PCDH9: variants seen among roughly 807,000 people sequenced by gnomAD.
PCDH9 encodes the protein protocadherin-9.
Under a neutral mutation model 70.6 loss-of-function variants are expected in PCDH9, and 24 were observed. The ratio of observed to expected loss-of-function variants is 0.34; its 90% CI spans 0.25 to 0.48. PCDH9 has a LOEUF of 0.48. PCDH9 is among the 20% of genes least tolerant of loss of function. The pLI, the probability that PCDH9 is intolerant of heterozygous loss-of-function variation, is 0.99. For synonymous variants in PCDH9, 562 were observed against 558.5 expected, an observed-to-expected ratio of 1.01 and a Z score of -0.09; for missense variants, 1,281 against 1,503.6, an observed-to-expected ratio of 0.85 and a Z score of 2.45.
At chr13:66,660,009 C>T (rs1236198879) in intron 3 of PCDH9, among the ~76,000 whole-genome samples, 8 of 152,130 alleles carry the variant, frequency 5.3e-5, no homozygotes, top group Non-Finnish European at 1.2e-4. Flanking sequence ...TTAAGTCTTT[C>T]CAATGTTTGG....
intron 4 of PCDH9, among the ~76,000 whole-genome samples, chr13:66,356,455 T>G (rs1956383956): frequency 6.6e-6 from 1 of 152,100 alleles, no homozygotes; most frequent in Non-Finnish European, 1.5e-5. Context: ...ATATACCCTC[T>G]CTGCAGGTTC....
chr13:66,408,912 G>T (rs1275262536), intron 4 of PCDH9, among the ~76,000 whole-genome samples: 2 of 152,022 alleles, frequency 1.3e-5, no homozygotes, highest in Admixed American at 6.6e-5. Flanking sequence ...GACATATAAG[G>T]ACAAAAATCT....
intron 3 of PCDH9, among the ~76,000 whole-genome samples, chr13:66,677,690 C>T (rs188087315): frequency 2.6e-5 from 4 of 152,182 alleles, no homozygotes; most frequent in Non-Finnish European, 4.4e-5. Context: ...CTCTTCTCCC[C>T]TCACCTTCTG....
At chr13:66,908,222 G>A (rs1173835475) in intron 2 of PCDH9, among the ~76,000 whole-genome samples, 2 of 152,142 alleles carry the variant, frequency 1.3e-5, no homozygotes, top group African/African-American at 2.4e-5. Context: ...GCAAATGGCA[G>A]TTCTCAGTTC....
chr13:67,000,802 G>C (rs1330499111), intron 2 of PCDH9, among the ~76,000 whole-genome samples: 1 of 152,090 alleles, frequency 6.6e-6, no homozygotes, highest in Non-Finnish European at 1.5e-5. Flanking sequence ...ATGACGAAGT[G>C]ATTATATTCA....
intron 3 of PCDH9, among the ~76,000 whole-genome samples, chr13:66,863,115 T>G (rs1282859360): frequency 6.6e-6 from 1 of 152,146 alleles, no homozygotes; most frequent in African/African-American, 2.4e-5. Flanking sequence ...AGAGGCGAAT[T>G]TAAATGTACA....
At chr13:66,470,366 T>G (rs565346041) in intron 4 of PCDH9, among the ~76,000 whole-genome samples, 98 of 152,302 alleles carry the variant, frequency 6.4e-4, no homozygotes, top group Non-Finnish European at 1.1e-3. Context: ...TTTGTCATAT[T>G]TATCCAGTTC....
intron 3 of PCDH9, among the ~76,000 whole-genome samples, chr13:66,798,816 C>T (rs998257071): frequency 3.2e-5 from 1 of 31,428 alleles, no homozygotes; most frequent in Admixed American, 6.2e-4. Context: ...TCCTGTTCCT[C>T]GTTTTTTTTT....
chr13:66,418,894 A>G, intron 4 of PCDH9, among the ~76,000 whole-genome samples: 1 of 152,200 alleles, frequency 6.6e-6, no homozygotes, highest in East Asian at 1.9e-4. Context: ...ATGTAAAAAA[A>G]TGATAAAGGG....
At chr13:66,742,164 A>T (rs1279769610) in intron 3 of PCDH9, among the ~76,000 whole-genome samples, 3 of 54,192 alleles carry the variant, frequency 5.5e-5, no homozygotes, top group East Asian at 6.3e-4. Context: ...AATGGAACAG[A>T]ACAGAGCCCT....
chr13:66,419,292 A>T (rs1422242308), intron 4 of PCDH9, among the ~76,000 whole-genome samples: 1 of 152,152 alleles, frequency 6.6e-6, no homozygotes, highest in East Asian at 1.9e-4. Flanking sequence ...TCAATGTGAA[A>T]TCCTCAATAA....
At chr13:66,313,502 A>T (rs1336100130) in intron 4 of PCDH9, among the ~76,000 whole-genome samples, 1 of 152,348 alleles carries the variant, frequency 6.6e-6, no homozygotes, top group Non-Finnish European at 1.5e-5. Context: ...CTGAAGTCCA[A>T]GTGAAAAATA....
intron 4 of PCDH9, among the ~76,000 whole-genome samples, chr13:66,439,032 T>A (rs1957928061): frequency 6.6e-6 from 1 of 152,122 alleles, no homozygotes; most frequent in East Asian, 1.9e-4. Flanking sequence ...AATTCCAAGA[T>A]AATGAAAAAA....
chr13:67,144,411 G>T (rs771971779), intron 2 of PCDH9, among the ~76,000 whole-genome samples: 9 of 152,064 alleles, frequency 5.9e-5, no homozygotes, highest in Non-Finnish European at 1.5e-5. Context: ...CGTTGGAACT[G>T]TTACTAAACA....
intron 2 of PCDH9, among the ~76,000 whole-genome samples, chr13:66,904,794 T>G (rs1053701448): frequency 6.6e-6 from 1 of 152,002 alleles, no homozygotes; most frequent in African/African-American, 2.4e-5. Flanking sequence ...TAAATATATG[T>G]TAAAGCACTG....
At chr13:66,405,979 G>A (rs558069832) in intron 4 of PCDH9, among the ~76,000 whole-genome samples, 1 of 152,274 alleles carries the variant, frequency 6.6e-6, no homozygotes, top group South Asian at 2.1e-4. Flanking sequence ...ATGCTAGAGA[G>A]AGATTATTTT....
Position 66,796,431 on chromosome 13 carries a change from C to T in PCDH9, c.3138+107073G>A, listed in dbSNP as rs79729383. Reference sequence around the variant, plus strand: ...TTAGTCTCTTTTGTTCAATTAGGACCAGTCATTTAAGCAGTACCCCAGTTT... The same window carrying T: ...TTAGTCTCTTTTGTTCAATTAGGACTAGTCATTTAAGCAGTACCCCAGTTT... On this transcript the variant is annotated intron_variant, in intron 3 of 4. Transcript: ENST00000377865. Among the ~76,000 whole-genome samples the T allele has an allele frequency of 7.7e-3, 1,175 of 152,228 alleles. 7 individuals carry two copies. The highest frequency in any genetic ancestry group is 0.012 in the Non-Finnish European group (805 of 68,008).
At chr13:66,493,355 G>A (rs996364329) in intron 4 of PCDH9, among the ~76,000 whole-genome samples, 9 of 152,032 alleles carry the variant, frequency 5.9e-5, no homozygotes, top group Admixed American at 2.6e-4. Flanking sequence ...CAGATTGTTC[G>A]CAAGGTTCTA....
intron 4 of PCDH9, among the ~76,000 whole-genome samples, chr13:66,609,778 TATATTCATAAA>T (rs1237827010): frequency 5.9e-5 from 9 of 152,072 alleles, no homozygotes; most frequent in African/African-American, 1.2e-4. Flanking sequence ...CAAACATTCA[TATATTCATAAA>T]ATATTCATAA....
Sources: allele counts gnomAD v4.1 joint callset (sites outside exome capture counted in the v4.1 genomes callset), GRCh38; gene constraint gnomAD v4.1.1; transcripts MANE v1.5; gene names NCBI Gene and HGNC (gene_info 2026-07-23, HGNC 2026-07-21).